The following NDST4 variants were observed in gnomAD, a reference collection of about 807,000 sequenced individuals.
NDST4 encodes N-deacetylase and N-sulfotransferase 4.
In NDST4, 63 loss-of-function variants were observed where a neutral mutation model predicts 100.8. That is an observed-to-expected ratio of 0.62 (90% CI 0.51 to 0.77). The LOEUF (loss-of-function observed/expected upper bound fraction) is 0.77. Among genes scored for constraint, NDST4 ranks in the 30% least tolerant of loss-of-function variants. The pLI, the probability that NDST4 is intolerant of heterozygous loss-of-function variation, is 0.00. For missense variants in NDST4, 943 were observed against 1,018.4 expected (o/e 0.93, Z 1.01); for synonymous variants, 377 against 361.8 (o/e 1.04, Z -0.48).
At chr4:115,078,285 G>A (rs969706650) in intron 1 of NDST4, among the ~76,000 whole-genome samples, 1 of 152,122 alleles carries the variant, frequency 6.6e-6, no homozygotes, top group South Asian at 2.1e-4. Flanking sequence ...ATCTCACATG[G>A]TGGAAGCAGG....
intron 4 of NDST4, among the ~76,000 whole-genome samples, chr4:114,958,994 T>G (rs190260944): frequency 3.3e-5 from 5 of 152,054 alleles, no homozygotes; most frequent in African/African-American, 1.2e-4. Flanking sequence ...CTAAATCATC[T>G]CTCTCAAGTT....
chr4:114,921,878 C>T (rs1434420357), intron 6 of NDST4, among the ~76,000 whole-genome samples: 1 of 152,108 alleles, frequency 6.6e-6, no homozygotes, highest in Non-Finnish European at 1.5e-5. Context: ...CACTCCCCTG[C>T]TGTCCCTTTT....
intron 7 of NDST4, among the ~76,000 whole-genome samples, chr4:114,869,714 T>C (rs954748874): frequency 6.6e-6 from 1 of 152,132 alleles, no homozygotes; most frequent in Admixed American, 6.6e-5. Flanking sequence ...AGCAGTCAGT[T>C]TTAAAACACA....
At chr4:114,949,697 C>A (rs1174058553) in intron 4 of NDST4, among the ~76,000 whole-genome samples, 1 of 152,062 alleles carries the variant, frequency 6.6e-6, no homozygotes, top group Non-Finnish European at 1.5e-5. Context: ...CTGGAAGCCC[C>A]ATACTATAAG....
At chr4:115,077,898 T>G (rs892510629) in intron 1 of NDST4, among the ~76,000 whole-genome samples, 2 of 152,100 alleles carry the variant, frequency 1.3e-5, no homozygotes, top group African/African-American at 2.4e-5. Context: ...CATTCTCAGA[T>G]CTCGCTAATG....
intron 4 of NDST4, among the ~76,000 whole-genome samples, chr4:114,956,679 A>G (rs1415896348): frequency 6.6e-6 from 1 of 152,212 alleles, no homozygotes; most frequent in Non-Finnish European, 1.5e-5. Flanking sequence ...AAAGAAGGCC[A>G]TGCTAAAACC....
chr4:115,108,334 T>A (rs1012538904), intron 1 of NDST4, among the ~76,000 whole-genome samples: 1 of 152,020 alleles, frequency 6.6e-6, no homozygotes, highest in East Asian at 1.9e-4. Context: ...AGGTGTCTGA[T>A]GAACTATGAC....
intron 2 of NDST4, among the ~76,000 whole-genome samples, chr4:114,981,467 T>C (rs950373412): frequency 6.6e-6 from 1 of 152,148 alleles, no homozygotes; most frequent in Admixed American, 6.5e-5. Flanking sequence ...CTTCATCATA[T>C]ACTCCAGCTG....
chr4:114,955,835 A>C (rs1267568153), intron 4 of NDST4: 1 of 152,202 alleles, frequency 6.6e-6, no homozygotes, highest in Admixed American at 6.5e-5. Flanking sequence ...TTCCTGCCCC[A>C]GTTTAGAGTA....
chr4:115,049,349 GA>G (rs771736630), intron 2 of NDST4, among the ~76,000 whole-genome samples: 2 of 151,936 alleles, frequency 1.3e-5, no homozygotes, highest in Non-Finnish European at 2.9e-5. Context: ...GTAATGTATA[GA>G]AGAAGTACAT....
intron 4 of NDST4, among the ~76,000 whole-genome samples, chr4:114,945,147 G>A (rs1725833464): frequency 2.8e-5 from 4 of 145,380 alleles, no homozygotes. Flanking sequence ...AGGCCGGGTT[G>A]TGGTGAGCCG....
At chr4:114,924,143 G>T (rs1158108710) in intron 6 of NDST4, among the ~76,000 whole-genome samples, 1 of 152,010 alleles carries the variant, frequency 6.6e-6, no homozygotes, top group Non-Finnish European at 1.5e-5. Flanking sequence ...CAGCACACTT[G>T]ATATTCTGAA....
At chr4:114,945,208 C>CAAAAAAAAAAAAAAAAAAAAA in intron 4 of NDST4, among the ~76,000 whole-genome samples, 1 of 53,766 alleles carries the variant, frequency 1.9e-5, no homozygotes, top group Non-Finnish European at 3.3e-5. Flanking sequence ...AACTCCGTCT[C>CAAAAAAAAAAAAAAAAAAAAA]AAAAAAAAAA....
chr4:114,884,817 TTG>T (rs902171710), intron 6 of NDST4, among the ~76,000 whole-genome samples: 63 of 152,258 alleles, frequency 4.1e-4, no homozygotes, highest in African/African-American at 1.5e-3. Context: ...AATATCGTGA[TTG>T]ACACTATCAA....
chr4:114,867,595 G>T (rs1333659513), intron 7 of NDST4, among the ~76,000 whole-genome samples: 1 of 130,220 alleles, frequency 7.7e-6, no homozygotes, highest in African/African-American at 2.9e-5. Context: ...GTAAGAATCT[G>T]ACCTTCTAAC....
chr4:115,011,041 T>C (rs1201419062), intron 2 of NDST4, among the ~76,000 whole-genome samples: 1 of 152,052 alleles, frequency 6.6e-6, no homozygotes, highest in Non-Finnish European at 1.5e-5. Context: ...TCATATGTAA[T>C]ATAATTGTAA....
chr4:115,018,232 G>T (rs1727732230), intron 2 of NDST4, among the ~76,000 whole-genome samples: 1 of 151,876 alleles, frequency 6.6e-6, no homozygotes, highest in Non-Finnish European at 1.5e-5. Context: ...CACTCTGAAT[G>T]TACTAATTTC....
chr4:114,859,003 T>C (rs1256929410), intron 7 of NDST4, among the ~76,000 whole-genome samples: 1 of 152,176 alleles, frequency 6.6e-6, no homozygotes, highest in East Asian at 1.9e-4. Flanking sequence ...AGAAGTATCT[T>C]TGGCATTCAA....
At chr4:114,902,239 A>C (rs187284600) in intron 6 of NDST4, among the ~76,000 whole-genome samples, 1 of 152,022 alleles carries the variant, frequency 6.6e-6, no homozygotes, top group Non-Finnish European at 1.5e-5. Flanking sequence ...CTGTTTAAAA[A>C]AATTTTTTCG....
Sources: gnomAD v4.1 joint callset for allele counts (sites outside exome capture counted in the v4.1 genomes callset) on GRCh38, gnomAD v4.1.1 for gene constraint, MANE v1.5 for transcripts, NCBI Gene and HGNC (gene_info 2026-07-23, HGNC 2026-07-21) for gene names.